SLC39A12: variants seen among roughly 807,000 people sequenced by gnomAD.
SLC39A12 encodes zinc transporter ZIP12.
A neutral mutation model predicts 71.1 loss-of-function variants in SLC39A12; 63 were observed. The observed-to-expected ratio is 0.89, with a 90% CI of 0.72 to 1.09. The LOEUF (loss-of-function observed/expected upper bound fraction) is 1.09. Among genes scored for constraint, SLC39A12 ranks in the 50% least tolerant of loss-of-function variants. The pLI is 0.00. For synonymous variants in SLC39A12, 351 were observed against 301.3 expected, an observed-to-expected ratio of 1.16 and a Z score of -1.71; for missense variants, 892 against 812.6, an observed-to-expected ratio of 1.10 and a Z score of -1.19.
At chr10:18,020,360 C>G (rs891848130) in intron 12 of SLC39A12, among the ~76,000 whole-genome samples, 1 of 151,950 alleles carries the variant, frequency 6.6e-6, no homozygotes, top group African/African-American at 2.4e-5. Context: ...TCTTTATCCA[C>G]TCCACCATTG....
chr10:17,993,737 A>G (rs575509582), intron 9 of SLC39A12, among the ~76,000 whole-genome samples: 134 of 152,324 alleles, frequency 8.8e-4, no homozygotes, highest in African/African-American at 3.1e-3. Flanking sequence ...GTCCAATGAG[A>G]AGTTTCATAG....
intron 7 of SLC39A12, among the ~76,000 whole-genome samples, chr10:17,988,387 G>T (rs1835458880): frequency 6.6e-6 from 1 of 152,036 alleles, no homozygotes; most frequent in Non-Finnish European, 1.5e-5. Flanking sequence ...CCTCTCTCTT[G>T]CTTTCTCTCT....
intron 5 of SLC39A12, among the ~76,000 whole-genome samples, chr10:17,980,160 A>C (rs1028512229): frequency 3.3e-5 from 5 of 152,056 alleles, no homozygotes; most frequent in Admixed American, 1.3e-4. Flanking sequence ...GTGCCTTTCT[A>C]ATACAATTTC....
chr10:18,005,997 C>A (rs1343290549), intron 12 of SLC39A12, among the ~76,000 whole-genome samples: 3 of 151,950 alleles, frequency 2.0e-5, no homozygotes, highest in African/African-American at 7.3e-5. Flanking sequence ...TGGGGCCATG[C>A]CAAAGAAAAT....
chr10:18,026,116 T>G (rs1836669765), intron 12 of SLC39A12, among the ~76,000 whole-genome samples: 1 of 152,118 alleles, frequency 6.6e-6, no homozygotes, highest in African/African-American at 2.4e-5. Flanking sequence ...AAATAAAGGT[T>G]TTTATTTACC....
Position 17,961,644 on chromosome 10 carries a change from G to T in SLC39A12, c.325G>T (p.Glu109Ter). 1 of 1,614,086 alleles carries T rather than the reference G, an allele frequency of 6.2e-7. No individual in the cohort carries two copies. The highest frequency in any genetic ancestry group is 1.1e-5 in the South Asian group (1 of 91,070). ...GGNFEDQLRE[E>*]VVQRVSLLLL... ...AAATTTTGAAGATCAGCTTAGAGAAGAAGTGGTCCAGAGAGTTTCTCTTCT... is the reference window on the plus strand; with the variant it reads ...AAATTTTGAAGATCAGCTTAGAGAATAAGTGGTCCAGAGAGTTTCTCTTCT... The change falls in exon 3 of 13, where the codon GAA becomes TAA. Residue 109 changes from glutamate to a stop codon, truncating the protein, a stop_gained. Coordinates refer to ENST00000377369, the MANE Select transcript of SLC39A12 (RefSeq NM_001145195.2). LOFTEE classifies it high-confidence loss of function.
intron 12 of SLC39A12, among the ~76,000 whole-genome samples, chr10:18,032,938 A>G (rs1836891906): frequency 7.5e-6 from 1 of 134,148 alleles, no homozygotes; most frequent in African/African-American, 2.9e-5. Context: ...CTCTGTTTAT[A>G]TGCTGGATTA....
chr10:18,035,195 G>A (rs1836965527), intron 12 of SLC39A12, among the ~76,000 whole-genome samples: 1 of 148,858 alleles, frequency 6.7e-6, no homozygotes, highest in Non-Finnish European at 1.5e-5. Context: ...ATGTTGGCCT[G>A]CCTTGCTAGA....
intron 4 of SLC39A12, among the ~76,000 whole-genome samples, chr10:17,976,878 CT>C: frequency 6.6e-6 from 1 of 152,144 alleles, no homozygotes; most frequent in East Asian, 1.9e-4. Context: ...ATTATTTCCT[CT>C]AGTATTTTTT....
At chr10:18,025,990 C>T (rs1427450995) in intron 12 of SLC39A12, among the ~76,000 whole-genome samples, 1 of 152,154 alleles carries the variant, frequency 6.6e-6, no homozygotes, top group Non-Finnish European at 1.5e-5. Flanking sequence ...TAATTCTTCC[C>T]TCCTGTCTCT....
intron 4 of SLC39A12, among the ~76,000 whole-genome samples, chr10:17,968,071 A>T (rs541005144): frequency 2.6e-4 from 40 of 151,744 alleles, no homozygotes; most frequent in Admixed American, 3.9e-4. Context: ...GTATATACAC[A>T]CATATGTATA....
At chr10:18,041,549 C>G (rs1006425743) in intron 12 of SLC39A12, among the ~76,000 whole-genome samples, 1 of 142,074 alleles carries the variant, frequency 7.0e-6, no homozygotes, top group African/African-American at 2.6e-5. Flanking sequence ...CACACACACA[C>G]ACACACACGC....
At chr10:17,979,090 C>T (rs1370492550) in intron 5 of SLC39A12, among the ~76,000 whole-genome samples, 1 of 152,188 alleles carries the variant, frequency 6.6e-6, no homozygotes, top group African/African-American at 2.4e-5. Flanking sequence ...AATCTGATAA[C>T]ATCAACACAA....
chr10:18,039,129 G>T (rs974267678), intron 12 of SLC39A12, among the ~76,000 whole-genome samples: 1 of 152,212 alleles, frequency 6.6e-6, no homozygotes, highest in Non-Finnish European at 1.5e-5. Flanking sequence ...ACTAAGAACA[G>T]CCAGGTGGCA....
intron 12 of SLC39A12, among the ~76,000 whole-genome samples, chr10:18,020,725 A>G (rs572844309): frequency 3.3e-5 from 5 of 152,110 alleles, no homozygotes; most frequent in East Asian, 1.9e-4. Flanking sequence ...GATTAGTGAT[A>G]TAGAGCATTT....
In SLC39A12 at chr10:17,952,623, G is replaced by A. The variant is rs528354692; in HGVS notation, c.-86-568G>A. Among the ~76,000 whole-genome samples, 312 of 151,834 alleles carry A rather than the reference G, an allele frequency of 2.1e-3. 1 individual carries two copies. Among genetic ancestry groups the A allele is most frequent in the African/African-American group, 7.4e-3 (305 of 41,396 alleles). The stretch of plus-strand genomic sequence containing the variant: ...CTGCCTCAGCCTCCCATGTAACTGG[G>A]ACTACAGGCACGTGCCACCATACCT... On this transcript the variant is annotated intron_variant, in intron 1 of 12. Transcript: ENST00000377369.
chr10:18,039,025 A>G (rs999543071), intron 12 of SLC39A12, among the ~76,000 whole-genome samples: 2 of 152,186 alleles, frequency 1.3e-5, no homozygotes, highest in Non-Finnish European at 2.9e-5. Flanking sequence ...TCCACTCAAA[A>G]TAATCGTGAT....
At chr10:18,018,413 T>C (rs535074972) in intron 12 of SLC39A12, among the ~76,000 whole-genome samples, 1 of 152,204 alleles carries the variant, frequency 6.6e-6, no homozygotes, top group Non-Finnish European at 1.5e-5. Flanking sequence ...ACTTCCAGTA[T>C]GATGTTGAGA....
chr10:18,018,904 A>T (rs965939337), intron 12 of SLC39A12, among the ~76,000 whole-genome samples: 2 of 152,184 alleles, frequency 1.3e-5, no homozygotes, highest in Non-Finnish European at 1.5e-5. Flanking sequence ...CTAGCCTCAC[A>T]AAATGAGTTA....
Sources: allele counts gnomAD v4.1 joint callset (sites outside exome capture counted in the v4.1 genomes callset), GRCh38; gene constraint gnomAD v4.1.1; transcripts MANE v1.5; gene names NCBI Gene and HGNC (gene_info 2026-07-23, HGNC 2026-07-21).